GARIN1B: variants seen among roughly 807,000 people sequenced by gnomAD.
GARIN1B encodes golgi associated RAB2 interactor 1B, also known as Golgi-associated RAB2 interactor protein 1B.
chr7:128,729,630 C>T, the GARIN1B span, among the ~76,000 whole-genome samples: 1 of 152,204 alleles, frequency 6.6e-6, no homozygotes, highest in Non-Finnish European at 1.5e-5. Flanking sequence ...TTTACTGGTG[C>T]TGTCTTGTTC....
the GARIN1B span, chr7:128,714,145 A>G: frequency 6.5e-7 from 1 of 1,535,818 alleles, no homozygotes; most frequent in Non-Finnish European, 8.7e-7. Flanking sequence ...GAGAGCCTCC[A>G]GGCCCTTTAG....
the GARIN1B span, among the ~76,000 whole-genome samples, chr7:128,726,210 G>A: frequency 3.3e-5 from 5 of 152,244 alleles, no homozygotes; most frequent in African/African-American, 1.2e-4. Flanking sequence ...TTTACATTTT[G>A]AAAAGGTCAT....
chr7:128,723,447 T>TACTATGGACATGGACAG, the GARIN1B span: 1 of 1,172,466 alleles, frequency 8.5e-7, no homozygotes. Context: ...GCACGGTGGC[T>TACTATGGACATGGACAG]CACGCCTGTA....
At chr7:128,724,947 G>A in the GARIN1B span, 3 of 1,118,942 alleles carry the variant, frequency 2.7e-6, no homozygotes, top group South Asian at 4.9e-5. Context: ...CGAAACCTGG[G>A]GGCTCAGTCT....
At chr7:128,722,259 T>A in the GARIN1B span, among the ~76,000 whole-genome samples, 1 of 152,226 alleles carries the variant, frequency 6.6e-6, no homozygotes, top group Non-Finnish European at 1.5e-5. Context: ...ATGATGAATG[T>A]AAGTCTGGCT....
the GARIN1B span, chr7:128,718,709 A>G: frequency 7.8e-7 from 1 of 1,277,822 alleles, no homozygotes; most frequent in Non-Finnish European, 1.1e-6. Context: ...ACTGTGCTAA[A>G]GCACCCTCTT....
chr7:128,724,483 C>T, the GARIN1B span, among the ~76,000 whole-genome samples: 1 of 152,160 alleles, frequency 6.6e-6, no homozygotes, highest in Admixed American at 6.5e-5. Flanking sequence ...TTCTGGAAAG[C>T]TCCATGCTAC....
the GARIN1B span, chr7:128,717,092 A>T: frequency 8.7e-7 from 1 of 1,154,102 alleles, no homozygotes; most frequent in Non-Finnish European, 1.2e-6. Flanking sequence ...GAAGATAGAG[A>T]TGTCATCAGC....
At chr7:128,715,505 A>C in the GARIN1B span, 136 of 1,614,090 alleles carry the variant, frequency 8.4e-5, no homozygotes, top group Non-Finnish European at 1.1e-4. Flanking sequence ...AAAAGTCACA[A>C]GATCCTATCC....
the GARIN1B span, among the ~76,000 whole-genome samples, chr7:128,728,019 G>A: frequency 1.4e-3 from 207 of 152,284 alleles, 1 homozygote; most frequent in African/African-American, 4.5e-3. Flanking sequence ...ATTCCTTCAC[G>A]TTGGCTCAGT....
chr7:128,709,465 G>A, the GARIN1B span, among the ~76,000 whole-genome samples: 9 of 152,258 alleles, frequency 5.9e-5, no homozygotes, highest in East Asian at 1.7e-3. Context: ...AGTGTTTTGA[G>A]ATTATTTTTG....
the GARIN1B span, among the ~76,000 whole-genome samples, chr7:128,710,605 C>A: frequency 6.6e-6 from 1 of 152,146 alleles, no homozygotes; most frequent in Non-Finnish European, 1.5e-5. Flanking sequence ...AGTTTTCTGT[C>A]ATGCCAGCTC....
At chr7:128,724,491 T>C in the GARIN1B span, among the ~76,000 whole-genome samples, 1 of 152,192 alleles carries the variant, frequency 6.6e-6, no homozygotes, top group East Asian at 1.9e-4. Flanking sequence ...AGCTCCATGC[T>C]ACAGATCTAT....
At chr7:128,729,851 A>AG in the GARIN1B span, 1 of 1,585,916 alleles carries the variant, frequency 6.3e-7, no homozygotes, top group Non-Finnish European at 8.6e-7. Flanking sequence ...GTAACCTGTA[A>AG]GGGCTCTGTG....
the GARIN1B span, chr7:128,731,228 G>T: frequency 1.0e-6 from 1 of 1,001,516 alleles, no homozygotes; most frequent in Middle Eastern, 2.1e-4. Flanking sequence ...AACCAAGGAA[G>T]AATAGAGTCA....
chr7:128,725,390 T>C, the GARIN1B span, among the ~76,000 whole-genome samples: 1 of 151,678 alleles, frequency 6.6e-6, no homozygotes, highest in African/African-American at 2.4e-5. Context: ...TTTTCTTTCT[T>C]TTTTGAGACA....
the GARIN1B span, among the ~76,000 whole-genome samples, chr7:128,727,647 C>T: frequency 6.6e-6 from 1 of 152,232 alleles, no homozygotes; most frequent in African/African-American, 2.4e-5. Context: ...CTCACTCACT[C>T]TTCCTCTAAT....
the GARIN1B span, chr7:128,730,177 G>T: frequency 7.7e-7 from 1 of 1,304,418 alleles, no homozygotes; most frequent in Non-Finnish European, 1.1e-6. Context: ...AAGTTGTGGG[G>T]TGTGGTCGAG....
the GARIN1B span, chr7:128,716,998 G>A: frequency 1.2e-6 from 2 of 1,607,236 alleles, no homozygotes; most frequent in East Asian, 4.5e-5. Context: ...TCCTGAAGAG[G>A]TGAGCAATGC....
Sources: allele counts gnomAD v4.1 joint callset (sites outside exome capture counted in the v4.1 genomes callset), GRCh38; gene constraint gnomAD v4.1.1; transcripts MANE v1.5; gene names NCBI Gene and HGNC (gene_info 2026-07-23, HGNC 2026-07-21).